Variants in SATB2 observed in about 807,000 individuals in gnomAD.
SATB2 encodes the protein DNA-binding protein SATB2.
SATB2 carries 1 observed loss-of-function variant against 73.4 expected under a neutral mutation model. The ratio of observed to expected loss-of-function variants is 0.01; its 90% CI spans 0.00 to 0.06. The LOEUF (loss-of-function observed/expected upper bound fraction) is 0.06, where lower values mean the gene tolerates loss of function less well. Ranked by LOEUF, SATB2 falls within the 10% of genes least tolerant of loss-of-function variation. The pLI is 1.00. For missense variants in SATB2, 459 were observed against 945.8 expected, an observed-to-expected ratio of 0.49 and a Z score of 6.75; for synonymous variants, 397 against 367.0, an observed-to-expected ratio of 1.08 and a Z score of -0.93.
intron 8 of SATB2, 93 bp downstream of exon 8, chr2:199,328,605 T>C (rs531430156): frequency 4.6e-6 from 4 of 866,040 alleles, no homozygotes; most frequent in Non-Finnish European, 7.6e-6. Flanking sequence ...CCTTGAATTA[T>C]GTCTCTCAAT....
intron 6 of SATB2, among the ~76,000 whole-genome samples, chr2:199,364,446 C>G (rs889301307): frequency 6.6e-6 from 1 of 152,140 alleles, no homozygotes; most frequent in Non-Finnish European, 1.5e-5. Flanking sequence ...GGAAGTAACA[C>G]TGGTTTTTAA....
At chr2:199,378,408 T>G (rs1247797893) in intron 5 of SATB2, among the ~76,000 whole-genome samples, 1 of 152,256 alleles carries the variant, frequency 6.6e-6, no homozygotes, top group Admixed American at 6.5e-5. Context: ...TCCTAACTTG[T>G]TCTTTGTCCA....
chr2:199,352,218 T>C (rs988700033), intron 6 of SATB2, among the ~76,000 whole-genome samples: 18 of 152,326 alleles, frequency 1.2e-4, no homozygotes, highest in South Asian at 4.1e-4. Context: ...CATCCTCCTA[T>C]AGAATGCATT....
At chr2:199,456,976 G>GA (rs1364739267) in intron 1 of SATB2, among the ~76,000 whole-genome samples, 1 of 19,696 alleles carries the variant, frequency 5.1e-5, no homozygotes, top group Non-Finnish European at 2.6e-4. Flanking sequence ...TTGGGGGGGT[G>GA]GGGGGGGGCG....
At chr2:199,279,818 A>C (rs1692427672) in intron 10 of SATB2, among the ~76,000 whole-genome samples, 1 of 152,222 alleles carries the variant, frequency 6.6e-6, no homozygotes, top group South Asian at 2.1e-4. Flanking sequence ...CAAAAAAGGA[A>C]AGCATTATCC....
rs1024617275 is a variant in SATB2, at chr2:199,271,626, G to A, written c.*585C>T. The A allele has an allele frequency of 3.3e-5, 5 of 152,284 alleles. No individual in the cohort carries two copies. Among genetic ancestry groups the A allele is most frequent in the African/African-American group, 1.2e-4 (5 of 41,310 alleles). 9.4% of individuals were successfully genotyped at this position (152,284 alleles called of 1,614,324 possible). ...AATTCAAAAATAGTCACCCCACCCT[G>A]AGAGCAGGCCGCAGTTTATCAAAAA... is the stretch of plus-strand genomic sequence containing the variant. On this transcript the variant is annotated 3_prime_UTR_variant, in exon 11 of 11. Transcript: ENST00000417098.
chr2:199,388,054 CAA>C (rs138020417), intron 3 of SATB2, among the ~76,000 whole-genome samples: 9 of 152,064 alleles, frequency 5.9e-5, no homozygotes, highest in Admixed American at 2.6e-4. Flanking sequence ...TATATAAAAA[CAA>C]AAGAGTGGTG....
At chr2:199,426,692 CAAAAAAA>C (rs200293007) in intron 3 of SATB2, among the ~76,000 whole-genome samples, 18,673 of 128,042 alleles carry the variant, frequency 0.15, 1,357 homozygotes, top group East Asian at 0.41. Flanking sequence ...CATTCTCTCT[CAAAAAAA>C]AAAAAAAAAA....
At chr2:199,390,798 C>T (rs1422730885) in intron 3 of SATB2, among the ~76,000 whole-genome samples, 5 of 152,102 alleles carry the variant, frequency 3.3e-5, no homozygotes. Flanking sequence ...TACTCCATGT[C>T]TAGGTTCAAT....
chr2:199,448,121 C>G (rs1692017469), intron 2 of SATB2, among the ~76,000 whole-genome samples: 1 of 152,064 alleles, frequency 6.6e-6, no homozygotes, highest in Admixed American at 6.6e-5. Context: ...TTCTGTTAAC[C>G]CCCAAAAAAT....
At chr2:199,296,844 AT>A (rs1168082571) in intron 10 of SATB2, among the ~76,000 whole-genome samples, 4 of 152,160 alleles carry the variant, frequency 2.6e-5, no homozygotes, top group African/African-American at 9.7e-5. Context: ...CTTTTCTCTT[AT>A]TGGGTCAAAG....
intron 3 of SATB2, among the ~76,000 whole-genome samples, chr2:199,397,197 C>T (rs1690326697): frequency 6.6e-6 from 1 of 152,074 alleles, no homozygotes; most frequent in African/African-American, 2.4e-5. Context: ...CAGAAATATA[C>T]CTTGAATTTC....
At chr2:199,290,665 AG>A (rs1197738892) in intron 10 of SATB2, among the ~76,000 whole-genome samples, 4 of 152,340 alleles carry the variant, frequency 2.6e-5, no homozygotes, top group African/African-American at 9.6e-5. Flanking sequence ...TGACTCACAC[AG>A]TTCTTTAATT....
intron 10 of SATB2, among the ~76,000 whole-genome samples, chr2:199,276,501 A>C (rs1692316542): frequency 6.6e-6 from 1 of 152,168 alleles, no homozygotes; most frequent in African/African-American, 2.4e-5. Context: ...GGAGAGACCT[A>C]TAAGCGGTTT....
At position 199,463,007 on chromosome 2, in the gene SATB2, C is replaced by A. The variant is rs1692514621; in HGVS notation, c.-141+1829G>T. On this transcript the variant is annotated intron_variant, in intron 1 of 11. Coordinates refer to the SATB2 transcript ENST00000260926. This position sits in a 1 kb window ranked among gnomAD's most constrained non-coding sequence, Gnocchi z 6.4. ...AGATGGGCGTCGGGTGTGGGCACTG[C>A]CTGCCCTGGGGGAAGAAAGCGAGGA... is the stretch of plus-strand genomic sequence containing the variant. Among the ~76,000 whole-genome samples the A allele has an allele frequency of 6.6e-6, 1 of 152,136 alleles. No homozygotes were observed. Among genetic ancestry groups the A allele is most frequent in the African/African-American group, 2.4e-5 (1 of 41,446 alleles).
chr2:199,407,194 G>A (rs1285069117), intron 3 of SATB2, among the ~76,000 whole-genome samples: 5 of 148,930 alleles, frequency 3.4e-5, no homozygotes, highest in Non-Finnish European at 7.4e-5. Context: ...GCTGAGGTAG[G>A]AGAATCACTT....
intron 5 of SATB2, 60 bp downstream of exon 5, chr2:199,380,302 CCT>C: frequency 1.2e-6 from 2 of 1,602,102 alleles, no homozygotes; most frequent in Non-Finnish European, 1.7e-6. Context: ...GAAGGAACCC[CCT>C]GATAGAGAGT....
At chr2:199,412,552 C>T (rs1690852821) in intron 3 of SATB2, among the ~76,000 whole-genome samples, 1 of 152,190 alleles carries the variant, frequency 6.6e-6, no homozygotes, top group African/African-American at 2.4e-5. Context: ...GTCTTCTGTG[C>T]TGTTCTTTAT....
chr2:199,463,161 C>T lies in SATB2; in HGVS notation c.-141+1675G>A, dbSNP rs183237565. Among the ~76,000 whole-genome samples the T allele has an allele frequency of 6.6e-6, 1 of 151,624 alleles. No individual in the cohort carries two copies. The highest frequency in any genetic ancestry group is 2.4e-5 in the African/African-American group (1 of 41,434). ...CACCACCCTACCACACCAGGCAACG[C>T]CCCCCGGGGCGCCCTTCATTCTTTT... On this transcript the variant is annotated intron_variant, in intron 1 of 11. Transcript: ENST00000260926. The surrounding 1 kb of genome is among the most constrained non-coding windows in gnomAD (Gnocchi z 6.4).
Sources: allele counts gnomAD v4.1 joint callset (sites outside exome capture counted in the v4.1 genomes callset), GRCh38; gene constraint gnomAD v4.1.1; non-coding constraint Gnocchi (gnomAD v3.1); transcripts MANE v1.5; gene names NCBI Gene and HGNC (gene_info 2026-07-23, HGNC 2026-07-21).